The following ZBTB34 variants were observed in gnomAD, a reference collection of about 807,000 sequenced individuals.
ZBTB34 encodes zinc finger and BTB domain-containing protein 34.
A neutral mutation model predicts 33.4 loss-of-function variants in ZBTB34; 1 was observed. That is an observed-to-expected ratio of 0.03 (90% CI 0.01 to 0.14). The LOEUF is 0.14. ZBTB34 is among the 10% of genes least tolerant of loss of function. The pLI is 1.00. For missense variants in ZBTB34, 406 were observed against 657.2 expected (o/e 0.62, Z 4.18); for synonymous variants, 283 against 253.5 (o/e 1.12, Z -1.11).
Position 126,880,452 on chromosome 9 carries a change from G to T in ZBTB34, c.1053G>T (p.Met351Ile), listed in dbSNP as rs1197143193. 2 of 1,613,674 alleles carry T rather than the reference G, an allele frequency of 1.2e-6. No individual in the cohort carries two copies. Among genetic ancestry groups the T allele is most frequent in the Non-Finnish European group, 1.7e-6 (2 of 1,179,864 alleles). ...AGGGCTCTGACAGTGAAGCCATGAT[G>T]AACAACCCCGGGTATGAGAGCAGTC... Residue 351 changes from methionine (M) to isoleucine (I), a missense_variant, in exon 2 of 2, where the codon ATG (methionine) becomes ATT (isoleucine). Around this residue, in one of 6 missense-constraint regions of ZBTB34, gnomAD observed 123 missense variants for 140.4 expected, o/e 0.88. Coordinates refer to ENST00000319119, the Ensembl canonical transcript of ZBTB34. The surrounding 1 kb of genome is among the most constrained non-coding windows in gnomAD (Gnocchi z 6.7).
Position 126,880,158 on chromosome 9 carries a change from C to G in ZBTB34, c.759C>G (p.Ser253Arg). Residue 253 changes from serine (S) to arginine (R), a missense_variant, in exon 2 of 2, where the codon AGC (serine) becomes AGG (arginine). Physicochemically the swap from Ser to Arg is moderately radical, Grantham distance 110. Transcript: ENST00000319119. This position sits in a 1 kb window ranked among gnomAD's most constrained non-coding sequence, Gnocchi z 6.7. ...CCGACCGGCCCAGCTGTTCCGACAG[C>G]TCCTCCCTGGGTGACGATGGGTACC... The G allele has an allele frequency of 6.2e-7, 1 of 1,613,820 alleles. No homozygotes were observed. Among genetic ancestry groups the G allele is most frequent in the Non-Finnish European group, 8.5e-7 (1 of 1,179,902 alleles).
At chr9:126,881,164 A>C in exon 2 of ZBTB34, 3 of 447,116 alleles carry the variant, frequency 6.7e-6, no homozygotes, top group South Asian at 3.0e-5. Context: ...CTTTGGCTGA[A>C]CTCTTAATCC....
At chr9:126,863,598 A>G (rs2033167282) in intron 1 of ZBTB34, 1 of 639,674 alleles carries the variant, frequency 1.6e-6, no homozygotes, top group African/African-American at 2.0e-5. Flanking sequence ...GTAGCTGACA[A>G]ACTGCTGAAT....
intron 1 of ZBTB34, among the ~76,000 whole-genome samples, chr9:126,870,916 G>GT (rs1488045587): frequency 1.3e-5 from 2 of 151,338 alleles, no homozygotes; most frequent in African/African-American, 4.9e-5. Flanking sequence ...CACAGAGTGA[G>GT]ACTCTGTCTC....
intron 1 of ZBTB34, among the ~76,000 whole-genome samples, chr9:126,867,568 A>G (rs1268386403): frequency 6.6e-6 from 1 of 151,358 alleles, no homozygotes; most frequent in Admixed American, 6.6e-5. Context: ...TCTTTGTCAA[A>G]TATGCATATA....
At chr9:126,867,126 C>CTTTTTTTTTTTTT (rs201393295) in intron 1 of ZBTB34, among the ~76,000 whole-genome samples, 1 of 128,570 alleles carries the variant, frequency 7.8e-6, no homozygotes, top group Non-Finnish European at 1.7e-5. Flanking sequence ...TTGGGGGTTC[C>CTTTTTTTTTTTTT]TTTTTTTTTT....
Position 126,879,351 on chromosome 9 carries a change from G to C in ZBTB34, c.-10-39G>C, listed in dbSNP as rs2033403474. 1 of 1,515,502 alleles carries C rather than the reference G, an allele frequency of 6.6e-7. No homozygotes were observed. Among genetic ancestry groups the C allele is most frequent in the South Asian group, 1.3e-5 (1 of 79,396 alleles). The allele number at this position is 1,515,502 out of a possible 1,614,324, so 93.9% of individuals were successfully genotyped here. ...GTTTATGCCACTTGTACTTAGTGAGGAGTCATTGGTGAATGATGCAAACTC... is the reference window on the plus strand; with the variant it reads ...GTTTATGCCACTTGTACTTAGTGAGCAGTCATTGGTGAATGATGCAAACTC... On this transcript the variant is annotated intron_variant, in intron 1 of 1. Coordinates refer to ENST00000319119, the Ensembl canonical transcript of ZBTB34. This position sits in a 1 kb window ranked among gnomAD's most constrained non-coding sequence, Gnocchi z 6.4.
At chr9:126,881,048 TG>T in exon 2 of ZBTB34, 1 of 1,036,592 alleles carries the variant, frequency 9.6e-7, no homozygotes, top group Non-Finnish European at 1.4e-6. Flanking sequence ...AGTTTCTGGA[TG>T]GAACACTTCG....
Position 126,879,605 on chromosome 9 carries a change from C to T in ZBTB34, c.206C>T (p.Thr69Ile). ...TTCCGGGACCATTCAGCGTTAAGTA[C>T]CATGAGTGGCTTGTCAATATCAGTG... The change falls in exon 2 of 2, where the codon ACC (threonine) becomes ATC (isoleucine). Residue 69 changes from threonine (T) to isoleucine (I), a missense_variant. By Grantham distance (89) the Thr-to-Ile change is moderately conservative (BLOSUM62 -1). Transcript: ENST00000319119. This position sits in a 1 kb window ranked among gnomAD's most constrained non-coding sequence, Gnocchi z 6.4. 1 of 1,613,898 alleles carries T rather than the reference C, an allele frequency of 6.2e-7. No homozygotes were observed. The highest frequency in any genetic ancestry group is 8.5e-7 in the Non-Finnish European group (1 of 1,179,894).
At chr9:126,872,902 C>T (rs1041565300) in intron 1 of ZBTB34, among the ~76,000 whole-genome samples, 6 of 152,126 alleles carry the variant, frequency 3.9e-5, no homozygotes, top group Non-Finnish European at 2.9e-5. Context: ...TTAATCATGG[C>T]GTTCCGTTTT....
chr9:126,880,042 T>C lies in ZBTB34; in HGVS notation c.643T>C (p.Tyr215His). 6.2e-7 allele frequency: 1 copy of C among 1,613,558 alleles called. No homozygotes were observed. The highest frequency in any genetic ancestry group is 1.6e-4 in the Middle Eastern group (1 of 6,062). The change falls in exon 2 of 2, where the codon TAT becomes CAT. Residue 215 changes from tyrosine to histidine, a missense_variant. Transcript: ENST00000319119. This position sits in a 1 kb window ranked among gnomAD's most constrained non-coding sequence, Gnocchi z 6.7. ...CGGGAGCAGTGGGAGCGTTTCTGAA[T>C]ATGAGATTCAGATAGAGGGAGACCA...
upstream of ZBTB34, chr9:126,860,648 G>A (rs1438088142): frequency 6.7e-6 from 1 of 149,094 alleles, no homozygotes; most frequent in African/African-American, 2.4e-5. Flanking sequence ...CGCGGGCTGG[G>A]GCGGCAGCCG....
At chr9:126,863,764 C>T in intron 1 of ZBTB34, 1 of 965,072 alleles carries the variant, frequency 1.0e-6, no homozygotes, top group Non-Finnish European at 1.2e-6. Flanking sequence ...ATGTATTTTC[C>T]AGGGCCAGTG....
chr9:126,867,090 A>G (rs984644351), intron 1 of ZBTB34, among the ~76,000 whole-genome samples: 2 of 145,294 alleles, frequency 1.4e-5, no homozygotes, highest in Non-Finnish European at 3.0e-5. Context: ...TTCATTGTTG[A>G]TTATATTTTT....
chr9:126,875,133 C>G (rs2033338374), intron 1 of ZBTB34, among the ~76,000 whole-genome samples: 1 of 152,156 alleles, frequency 6.6e-6, no homozygotes, highest in Non-Finnish European at 1.5e-5. Flanking sequence ...CCAAACCGAG[C>G]CATGCTGTGT....
intron 1 of ZBTB34, among the ~76,000 whole-genome samples, chr9:126,871,788 AC>A (rs2033283231): frequency 6.6e-6 from 1 of 152,014 alleles, no homozygotes; most frequent in Admixed American, 6.6e-5. Flanking sequence ...CTGAAGTTCT[AC>A]CATATGCATA....
intron 1 of ZBTB34, among the ~76,000 whole-genome samples, chr9:126,865,253 G>A (rs1283377046): frequency 1.3e-5 from 2 of 152,174 alleles, no homozygotes; most frequent in Non-Finnish European, 2.9e-5. Flanking sequence ...CTGAGGGTGC[G>A]GCTGTAGTGG....
At chr9:126,873,898 G>A (rs1301070305) in intron 1 of ZBTB34, among the ~76,000 whole-genome samples, 1 of 152,086 alleles carries the variant, frequency 6.6e-6, no homozygotes, top group East Asian at 1.9e-4. Context: ...GAGCCACTGT[G>A]CCTGGCCTAA....
chr9:126,860,783 GGGCGGGGCAGGCGGGGCA>G (rs1300635119), intron 1 of ZBTB34, 44 bp downstream of exon 1: 1 of 146,772 alleles, frequency 6.8e-6, no homozygotes, highest in Non-Finnish European at 1.5e-5. Flanking sequence ...GGCTAGGCGC[GGGCGGGGCAGGCGGGGCA>G]GGCGGGGCGG....
Sources: allele counts gnomAD v4.1 joint callset (sites outside exome capture counted in the v4.1 genomes callset), GRCh38; gene constraint gnomAD v4.1.1; regional missense constraint gnomAD v4.1.1; non-coding constraint Gnocchi (gnomAD v3.1); transcripts MANE v1.5; gene names NCBI Gene and HGNC (gene_info 2026-07-23, HGNC 2026-07-21).